Variants in CNTNAP2 observed in about 807,000 individuals in gnomAD.
The protein encoded by CNTNAP2 is contactin-associated protein-like 2.
In CNTNAP2, 98 loss-of-function variants were observed where a neutral mutation model predicts 155.2. The observed-to-expected ratio is 0.63, with a 90% CI of 0.54 to 0.75. CNTNAP2 has a LOEUF of 0.75. CNTNAP2 is among the 30% of genes least tolerant of loss of function. The pLI is 0.00. For missense variants in CNTNAP2, 1,727 were observed against 1,688.1 expected (o/e 1.02, Z -0.40); for synonymous variants, 651 against 631.2 (o/e 1.03, Z -0.47).
In CNTNAP2 at chr7:147,188,692, A is replaced by G. The variant is rs1802618441; in HGVS notation, c.1348+56183A>G. On this transcript the variant is annotated intron_variant, in intron 8 of 23. Coordinates refer to ENST00000361727, the MANE Select transcript of CNTNAP2 (RefSeq NM_014141.6). ...GATATTCTGAAGTGGAGAAGGAAGA[A>G]GTCCACAGGAGTCATATGCAGTTAG... 1.3e-5 allele frequency among the ~76,000 whole-genome samples: 2 copies of G among 152,196 alleles called. 1 individual carries two copies. Among genetic ancestry groups the G allele is most frequent in the South Asian group, 4.1e-4 (2 of 4,834 alleles).
At chr7:147,285,923 C>T (rs190377208) in intron 8 of CNTNAP2, among the ~76,000 whole-genome samples, 1 of 151,996 alleles carries the variant, frequency 6.6e-6, no homozygotes, top group Non-Finnish European at 1.5e-5. Context: ...CTCTGTCTTC[C>T]CCATTTATTT....
intron 1 of CNTNAP2, among the ~76,000 whole-genome samples, chr7:146,232,527 G>A (rs528226623): frequency 1.1e-4 from 16 of 152,222 alleles, no homozygotes; most frequent in African/African-American, 3.9e-4. Context: ...CTCATTTGGA[G>A]TGAGACTAGG....
rs150399194 is a variant in CNTNAP2 at position 148,118,080 on chromosome 7, G to T, written c.2384-38G>T. Reference sequence around the variant, plus strand: ...CTGTTACATGACTAGGCTGATCAGGGTGTGAGTTAACCTGATTTTTTTGTT... The same window carrying T: ...CTGTTACATGACTAGGCTGATCAGGTTGTGAGTTAACCTGATTTTTTTGTT... On this transcript the variant is annotated intron_variant, in intron 15 of 23. Coordinates refer to ENST00000361727, the MANE Select transcript of CNTNAP2 (RefSeq NM_014141.6). 6,535 of 1,607,274 alleles carry T rather than the reference G, an allele frequency of 4.1e-3. 100 individuals are homozygous for T. The highest frequency in any genetic ancestry group is 0.037 in the South Asian group (3,358 of 90,950).
chr7:146,307,946 G>T lies in CNTNAP2; in HGVS notation c.97+190973G>T, dbSNP rs1440784672. Reference sequence around the variant, plus strand: ...GGACTTCATGACTAAAACACCAAAAGAAATGACAACAAAAGTCAACATTGA... The same window carrying T: ...GGACTTCATGACTAAAACACCAAAATAAATGACAACAAAAGTCAACATTGA... On this transcript the variant is annotated intron_variant, in intron 1 of 23. Coordinates refer to ENST00000361727, the MANE Select transcript of CNTNAP2 (RefSeq NM_014141.6). Among the ~76,000 whole-genome samples, 4 of 152,200 alleles carry T rather than the reference G, an allele frequency of 2.6e-5. No homozygotes were observed. The East Asian group carries it at 7.7e-4, about 29-fold the overall frequency.
intron 13 of CNTNAP2, among the ~76,000 whole-genome samples, chr7:147,783,700 G>A (rs1399379098): frequency 6.6e-6 from 1 of 152,138 alleles, no homozygotes; most frequent in African/African-American, 2.4e-5. Flanking sequence ...GAGGTGATTA[G>A]GTCTTGAGAG....
At chr7:146,788,889 T>G (rs548026362) in intron 2 of CNTNAP2, among the ~76,000 whole-genome samples, 4 of 152,154 alleles carry the variant, frequency 2.6e-5, no homozygotes, top group Non-Finnish European at 4.4e-5. Flanking sequence ...TATAATGAAG[T>G]ATTGTATTGT....
intron 5 of CNTNAP2, among the ~76,000 whole-genome samples, chr7:147,119,289 G>C (rs1172255067): frequency 6.6e-6 from 1 of 152,078 alleles, no homozygotes; most frequent in Non-Finnish European, 1.5e-5. Context: ...TTTCAAAGAA[G>C]TAACTGACTT....
chr7:146,522,737 A>C (rs1405869275), intron 1 of CNTNAP2, among the ~76,000 whole-genome samples: 1 of 150,500 alleles, frequency 6.6e-6, no homozygotes. Flanking sequence ...ATGTTATGCA[A>C]AATAATATCT....
At chr7:146,845,791 T>A (rs1202631068) in intron 3 of CNTNAP2, among the ~76,000 whole-genome samples, 1 of 152,214 alleles carries the variant, frequency 6.6e-6, no homozygotes, top group Admixed American at 6.5e-5. Flanking sequence ...CAGTGCAGGC[T>A]GGGTCAGTGA....
intron 8 of CNTNAP2, among the ~76,000 whole-genome samples, chr7:147,190,939 G>A (rs1802667310): frequency 6.6e-6 from 1 of 152,106 alleles, no homozygotes; most frequent in South Asian, 2.1e-4. Context: ...CCTGGTGTAA[G>A]CCCATTATGG....
At chr7:146,541,369 C>A (rs1797950683) in intron 1 of CNTNAP2, among the ~76,000 whole-genome samples, 1 of 151,978 alleles carries the variant, frequency 6.6e-6, no homozygotes, top group Non-Finnish European at 1.5e-5. Context: ...CCTATCTGGT[C>A]TATGGATTTA....
chr7:148,187,940 C>T (rs1795145789), intron 18 of CNTNAP2, among the ~76,000 whole-genome samples: 2 of 151,958 alleles, frequency 1.3e-5, no homozygotes, highest in African/African-American at 2.4e-5. Context: ...CCAACTTCAC[C>T]CCCTACCCAT....
intron 13 of CNTNAP2, among the ~76,000 whole-genome samples, chr7:147,861,025 A>T (rs1028675895): frequency 6.6e-6 from 1 of 152,202 alleles, no homozygotes; most frequent in African/African-American, 2.4e-5. Flanking sequence ...CTAGTCTACT[A>T]AATTGAACTC....
chr7:147,872,589 G>A (rs184080411), intron 13 of CNTNAP2, among the ~76,000 whole-genome samples: 5,012 of 149,856 alleles, frequency 0.033, 132 homozygotes, highest in Non-Finnish European at 0.053. Context: ...TGTTTTGGCC[G>A]TAACTTTCTA....
intron 21 of CNTNAP2, among the ~76,000 whole-genome samples, chr7:148,348,694 T>C (rs1798367195): frequency 1.3e-5 from 2 of 152,178 alleles, no homozygotes; most frequent in Admixed American, 1.3e-4. Context: ...AGACCAGGCA[T>C]CTGTCTTTCA....
chr7:147,035,877 AT>A (rs1012027170), intron 3 of CNTNAP2, among the ~76,000 whole-genome samples: 42 of 43,124 alleles, frequency 9.7e-4, no homozygotes, highest in Non-Finnish European at 1.3e-3. Context: ...GAAAAAAAAA[AT>A]GTTAGTTCAT....
intron 10 of CNTNAP2, among the ~76,000 whole-genome samples, chr7:147,422,104 T>TAA (rs1491245925): frequency 1.4e-5 from 1 of 71,638 alleles, no homozygotes; most frequent in Non-Finnish European, 2.5e-5. Flanking sequence ...ATATATACAG[T>TAA]ATATATATAT....
At chr7:146,387,979 T>C (rs1795484617) in intron 1 of CNTNAP2, among the ~76,000 whole-genome samples, 1 of 151,608 alleles carries the variant, frequency 6.6e-6, no homozygotes, top group Non-Finnish European at 1.5e-5. Context: ...TTCTGAGTTC[T>C]GATTTTTTTA....
chr7:146,336,839 G>T (rs1395913983), intron 1 of CNTNAP2, among the ~76,000 whole-genome samples: 1 of 152,148 alleles, frequency 6.6e-6, no homozygotes, highest in Non-Finnish European at 1.5e-5. Flanking sequence ...AGTATGCTGA[G>T]TGAAAAAAGC....
Sources: allele counts gnomAD v4.1 joint callset (sites outside exome capture counted in the v4.1 genomes callset), GRCh38; gene constraint gnomAD v4.1.1; transcripts MANE v1.5; gene names NCBI Gene and HGNC (gene_info 2026-07-23, HGNC 2026-07-21).